The following ARID1A variants were observed in gnomAD, a reference collection of about 807,000 sequenced individuals.
The protein encoded by ARID1A is AT-rich interactive domain-containing protein 1A.
ARID1A carries 20 observed loss-of-function variants against 212.6 expected under a neutral mutation model. The observed-to-expected ratio is 0.09, with a 90% CI of 0.07 to 0.14. The LOEUF (loss-of-function observed/expected upper bound fraction) is 0.14, where lower values mean the gene tolerates loss of function less well. Ranked by LOEUF, ARID1A falls within the 10% of genes least tolerant of loss-of-function variation. The probability of loss-of-function intolerance (pLI) is 1.00; values close to 1 mark genes in which losing one functional copy is unlikely to be tolerated. For missense variants in ARID1A, 2,587 were observed against 3,059.0 expected, an observed-to-expected ratio of 0.85 and a Z score of 3.64; for synonymous variants, 1,376 against 1,222.1, an observed-to-expected ratio of 1.13 and a Z score of -2.63.
chr1:26,773,859 C>T lies in ARID1A; in HGVS notation c.4062C>T (p.Phe1354=), dbSNP rs199846866. 66 of 1,614,094 alleles carry T rather than the reference C, an allele frequency of 4.1e-5. No homozygotes were observed. Among genetic ancestry groups the T allele is most frequent in the Non-Finnish European group, 5.1e-5 (60 of 1,180,038 alleles). The change falls in exon 17 of 20, where the codon TTC becomes TTT. Residue 1354 remains phenylalanine, a synonymous_variant. Coordinates refer to ENST00000324856, the MANE Select transcript of ARID1A (RefSeq NM_006015.6). The part of the protein sequence containing the change: ...STQGTPSGSP[F]PSQQTTMYQQ... The stretch of plus-strand genomic sequence containing the variant: ...AAGGCACCCCTTCTGGCAGCCCCTT[C>T]CCCAGCCAGCAGACTACAATGTATC...
At chr1:26,706,663 C>T (rs1281312733) in intron 1 of ARID1A, among the ~76,000 whole-genome samples, 3 of 152,180 alleles carry the variant, frequency 2.0e-5, no homozygotes. Context: ...TTGGGCTCTT[C>T]TTGCCCAGTG....
chr1:26,707,108 A>C (rs1052759937), intron 1 of ARID1A, among the ~76,000 whole-genome samples: 2 of 150,498 alleles, frequency 1.3e-5, no homozygotes, highest in African/African-American at 4.9e-5. Flanking sequence ...ATTTCAGCTC[A>C]CTGCAGTCTC....
At position 26,731,417 on chromosome 1, in the gene ARID1A, C is replaced by T. The variant is rs540644702; in HGVS notation, c.1616C>T (p.Ser539Leu). Residue 539 changes from serine to leucine, a missense_variant, in exon 3 of 20, where the codon TCG (serine) becomes TTG (leucine). Physicochemically the swap from Ser to Leu is moderately radical, Grantham distance 145 (BLOSUM62 -2). Coordinates refer to ENST00000324856, the MANE Select transcript of ARID1A (RefSeq NM_006015.6). ...CCGGCTCCATACCCCTCCCAGCAGT[C>T]GACGACACAGCAGCACCCCCAGAGC... ...QSPAPYPSQQ[S>L]TTQQHPQSQP... 10 of 1,613,894 alleles carry T rather than the reference C, an allele frequency of 6.2e-6. No individual in the cohort carries two copies. The highest frequency in any genetic ancestry group is 2.2e-5 in the East Asian group (1 of 44,854).
chr1:26,773,688 C>T lies in ARID1A; in HGVS notation c.3975C>T (p.Pro1325=), dbSNP rs148038965. ...DSGMYSPSRY[P]PQQQQQQQQR... ...GGATGTATTCTCCTAGCCGCTACCC[C>T]CCGCAGCAGCAGCAGCAGCAGCAGC... Residue 1325 remains proline, a synonymous_variant, in exon 16 of 20, where the codon CCC becomes CCT. Coordinates refer to ENST00000324856, the MANE Select transcript of ARID1A (RefSeq NM_006015.6). 2.3e-5 allele frequency: 37 copies of T among 1,614,084 alleles called. No individual in the cohort carries two copies. The African/African-American group carries it at 2.9e-4, about 13-fold the overall frequency.
intron 1 of ARID1A, among the ~76,000 whole-genome samples, chr1:26,710,663 T>G (rs12729444): frequency 0.059 from 9,046 of 152,040 alleles, 325 homozygotes; most frequent in Non-Finnish European, 0.08. Flanking sequence ...CAAAACTCTG[T>G]CAATATGTTC....
Position 26,697,367 on chromosome 1 carries a change from G to A in ARID1A, c.964G>A (p.Asp322Asn). ...PGGDYSGGPQ[D>N]GGAGKGPADM... The stretch of plus-strand genomic sequence containing the variant: ...GGGCGACTACAGTGGCGGGCCCCAG[G>A]ACGGGGGCGCCGGCAAGGGCCCGGC... The change falls in exon 1 of 20, where the codon GAC (aspartate) becomes AAC (asparagine). Residue 322 changes from aspartate to asparagine, a missense_variant. Asp to Asn is a conservative substitution (Grantham distance 23, BLOSUM62 1). This residue lies in a region of ARID1A where 735 missense variants were observed against 590.6 expected (regional missense o/e 1.24). Transcript: ENST00000324856. 3 of 1,317,668 alleles carry A rather than the reference G, an allele frequency of 2.3e-6. No individual in the cohort carries two copies. The highest frequency in any genetic ancestry group is 2.9e-6 in the Non-Finnish European group (3 of 1,040,798). The allele number at this position is 1,317,668 out of a possible 1,614,324, so 81.6% of individuals were successfully genotyped here. A position where few individuals can be genotyped will look rare whatever the true frequency, so the allele number is the denominator to read the frequency against.
At chr1:26,734,561 T>C (rs908635790) in intron 4 of ARID1A, among the ~76,000 whole-genome samples, 1 of 152,024 alleles carries the variant, frequency 6.6e-6, no homozygotes, top group Non-Finnish European at 1.5e-5. Context: ...TCCAAATGGG[T>C]CATTTGCTCA....
chr1:26,745,441 G>T (rs1317478240), intron 4 of ARID1A, among the ~76,000 whole-genome samples: 1 of 152,198 alleles, frequency 6.6e-6, no homozygotes, highest in Non-Finnish European at 1.5e-5. Flanking sequence ...ATTAGCAGAA[G>T]CTGAATTGTA....
intron 4 of ARID1A, among the ~76,000 whole-genome samples, chr1:26,758,143 C>A (rs1372593122): frequency 6.6e-6 from 1 of 152,118 alleles, no homozygotes; most frequent in Admixed American, 6.5e-5. Flanking sequence ...CAGCATTGAG[C>A]TGTGGAATTT....
chr1:26,734,221 G>C (rs2124794341), intron 4 of ARID1A, among the ~76,000 whole-genome samples: 1 of 152,292 alleles, frequency 6.6e-6, no homozygotes, highest in African/African-American at 2.4e-5. Flanking sequence ...GGCTAAATCT[G>C]GGTGAGGTGC....
chr1:26,697,086 C>T lies in ARID1A; in HGVS notation c.683C>T (p.Ala228Val), dbSNP rs748537909. ...AGCGCCTACCCCCCGCCCGCCCCGG[C>T]CTACGCGCTGAGCTCCCCGAGAGGT... ...NRSAYPPPAP[A>V]YALSSPRGGT... Residue 228 changes from alanine (A) to valine (V), a missense_variant, in exon 1 of 20, where the codon GCC (alanine) becomes GTC (valine). Ala to Val is a moderately conservative substitution (Grantham distance 64). This residue lies in a region of ARID1A where 735 missense variants were observed against 590.6 expected (regional missense o/e 1.24). Coordinates refer to ENST00000324856, the MANE Select transcript of ARID1A (RefSeq NM_006015.6). 2.0e-6 allele frequency: 3 copies of T among 1,487,908 alleles called. No individual in the cohort carries two copies. The highest frequency in any genetic ancestry group is 1.8e-6 in the Non-Finnish European group (2 of 1,123,990). 92.2% of individuals were successfully genotyped at this position (1,487,908 alleles called of 1,614,324 possible).
intron 14 of ARID1A, 36 bp from the exon 15 acceptor site, chr1:26,773,310 T>A (rs2124109836): frequency 6.5e-7 from 1 of 1,535,828 alleles, no homozygotes; most frequent in Non-Finnish European, 8.8e-7. Context: ...CTTGTCAACT[T>A]ACCAGTTTGT....
At chr1:26,725,852 C>CTTTT (rs71007888) in intron 1 of ARID1A, among the ~76,000 whole-genome samples, 8 of 126,732 alleles carry the variant, frequency 6.3e-5, no homozygotes, top group East Asian at 2.2e-4. Flanking sequence ...TGGTATAAAC[C>CTTTT]TTTTTTTTTT....
intron 1 of ARID1A, among the ~76,000 whole-genome samples, chr1:26,713,362 T>G (rs979861223): frequency 7.4e-6 from 1 of 135,104 alleles, no homozygotes; most frequent in Admixed American, 7.5e-5. Flanking sequence ...TGAAGATTGA[T>G]TTTTTTTTTT....
intron 1 of ARID1A, among the ~76,000 whole-genome samples, chr1:26,717,696 T>G (rs1164341229): frequency 6.6e-6 from 1 of 152,158 alleles, no homozygotes; most frequent in East Asian, 1.9e-4. Flanking sequence ...TTGAACAAGA[T>G]AAATAAGTGA....
chr1:26,700,046 T>C (rs183284114), intron 1 of ARID1A, among the ~76,000 whole-genome samples: 41 of 152,308 alleles, frequency 2.7e-4, no homozygotes, highest in Admixed American at 6.5e-4. Context: ...TAATTTCAGC[T>C]CAGTTGTCTA....
chr1:26,736,913 A>C (rs546733540), intron 4 of ARID1A, among the ~76,000 whole-genome samples: 7 of 151,900 alleles, frequency 4.6e-5, no homozygotes, highest in East Asian at 3.9e-4. Flanking sequence ...AAAAAAAAAA[A>C]AAAAAAAAAC....
chr1:26,780,508 G>T lies in ARID1A; in HGVS notation c.6610G>T (p.Ala2204Ser), dbSNP rs1349718072. Residue 2204 changes from alanine to serine, a missense_variant, in exon 20 of 20, where the codon GCC becomes TCC. Transcript: ENST00000324856. The surrounding 1 kb of genome is among the most constrained non-coding windows in gnomAD (Gnocchi z 7.2). The stretch of plus-strand genomic sequence containing the variant: ...CCTGGGCTTCCTAGAGGACAGCCTT[G>T]CCGCCACACAGTTCCAGCAGAGCCA... ...NLLGFLEDSL[A>S]ATQFQQSQAS... 6.2e-7 allele frequency: 1 copy of T among 1,614,072 alleles called. No individual in the cohort carries two copies. The highest frequency in any genetic ancestry group is 1.3e-5 in the African/African-American group (1 of 74,924).
chr1:26,696,864 A>G lies in ARID1A; in HGVS notation c.461A>G (p.Tyr154Cys), dbSNP rs1461272962. 4 of 1,318,262 alleles carry G rather than the reference A, an allele frequency of 3.0e-6. No homozygotes were observed. Among genetic ancestry groups the G allele is most frequent in the Non-Finnish European group, 3.9e-6 (4 of 1,035,560 alleles). 81.7% of individuals were successfully genotyped at this position (1,318,262 alleles called of 1,614,324 possible). Reference protein sequence around the residue: ...PPPAYGFGQPYGRSPSAVAAA... With the variant: ...PPPAYGFGQPCGRSPSAVAAA... ...CCAGCCTACGGCTTCGGGCAACCCTACGGCCGGAGCCCGTCTGCCGTCGCC... is the reference window on the plus strand; with the variant it reads ...CCAGCCTACGGCTTCGGGCAACCCTGCGGCCGGAGCCCGTCTGCCGTCGCC... Residue 154 changes from tyrosine to cysteine, a missense_variant, in exon 1 of 20, where the codon TAC becomes TGC. Physicochemically the swap from Tyr to Cys is radical, Grantham distance 194. Transcript: ENST00000324856.
Sources: allele counts gnomAD v4.1 joint callset (sites outside exome capture counted in the v4.1 genomes callset), GRCh38; gene constraint gnomAD v4.1.1; regional missense constraint gnomAD v4.1.1; non-coding constraint Gnocchi (gnomAD v3.1); transcripts MANE v1.5; gene names NCBI Gene and HGNC (gene_info 2026-07-23, HGNC 2026-07-21).